SYT17: variants seen among roughly 807,000 people sequenced by gnomAD.
The protein encoded by SYT17 is synaptotagmin 17.
Under a neutral mutation model 46.7 loss-of-function variants are expected in SYT17, and 22 were observed. That is an observed-to-expected ratio of 0.47 (90% CI 0.34 to 0.67). SYT17 has a LOEUF of 0.67. Ranked by LOEUF, SYT17 falls within the 30% of genes least tolerant of loss-of-function variation. SYT17 has a pLI of 0.01. For missense variants in SYT17, 519 were observed against 612.8 expected (o/e 0.85, Z 1.62); for synonymous variants, 251 against 248.4 (o/e 1.01, Z -0.10).
intron 7 of SYT17, among the ~76,000 whole-genome samples, chr16:19,251,163 G>C (rs1229854785): frequency 3.3e-5 from 5 of 151,342 alleles, no homozygotes; most frequent in Admixed American, 3.3e-4. Flanking sequence ...ATTTCTTTCA[G>C]AGCATAATTT....
At chr16:19,246,279 G>T (rs377150855) in intron 7 of SYT17, among the ~76,000 whole-genome samples, 1 of 152,084 alleles carries the variant, frequency 6.6e-6, no homozygotes, top group South Asian at 2.1e-4. Context: ...GGTGTGAGCC[G>T]CCATATCTGG....
chr16:19,172,361 A>G, intron 1 of SYT17: 1 of 1,389,560 alleles, frequency 7.2e-7, no homozygotes, highest in Non-Finnish European at 9.2e-7. Context: ...CATGTTAGCT[A>G]ATCATGTCCT....
intron 7 of SYT17, among the ~76,000 whole-genome samples, chr16:19,227,956 A>G (rs182630867): frequency 6.6e-6 from 1 of 152,336 alleles, no homozygotes; most frequent in East Asian, 1.9e-4. Flanking sequence ...CTTCAGATCA[A>G]TATGAATACA....
chr16:19,194,489 CCTCA>C (rs1430195119), intron 5 of SYT17, among the ~76,000 whole-genome samples: 1 of 152,196 alleles, frequency 6.6e-6, no homozygotes, highest in Non-Finnish European at 1.5e-5. Context: ...CAGGAAACAC[CCTCA>C]CTCAGCATCC....
At chr16:19,200,927 C>G (rs975621381) in intron 5 of SYT17, among the ~76,000 whole-genome samples, 1 of 152,122 alleles carries the variant, frequency 6.6e-6, no homozygotes, top group Non-Finnish European at 1.5e-5. Context: ...GGCAGAAGGT[C>G]GGATCAGCTC....
chr16:19,199,905 G>T (rs1965395766), intron 5 of SYT17, among the ~76,000 whole-genome samples: 1 of 152,212 alleles, frequency 6.6e-6, no homozygotes, highest in Non-Finnish European at 1.5e-5. Flanking sequence ...TTAAATCTGG[G>T]CTGTAAGCCC....
In SYT17 at chr16:19,172,755, G is replaced by A; in HGVS notation, c.16-5G>A. On this transcript the variant is annotated splice_region_variant and splice_polypyrimidine_tract_variant and intron_variant, in intron 1 of 7. Coordinates refer to ENST00000355377, the MANE Select transcript of SYT17 (RefSeq NM_016524.4). ...TTGGCTTCATCGTGGATCTTAAAAG[G>A]GCAGTTGGAACCATTAAACGAGGTG... 2 of 1,613,816 alleles carry A rather than the reference G, an allele frequency of 1.2e-6. No homozygotes were observed. The highest frequency in any genetic ancestry group is 1.1e-5 in the South Asian group (1 of 91,070).
intron 7 of SYT17, among the ~76,000 whole-genome samples, chr16:19,241,772 G>A (rs1967147136): frequency 6.6e-6 from 1 of 152,200 alleles, no homozygotes; most frequent in Non-Finnish European, 1.5e-5. Flanking sequence ...CCAGGGTCGG[G>A]AGTCACAGAG....
At chr16:19,220,809 A>G (rs1273804439) in intron 5 of SYT17, among the ~76,000 whole-genome samples, 1 of 152,112 alleles carries the variant, frequency 6.6e-6, no homozygotes, top group African/African-American at 2.4e-5. Flanking sequence ...GCATCAGAGG[A>G]GTAAGGGGGA....
At chr16:19,200,366 C>A (rs1258779906) in intron 5 of SYT17, among the ~76,000 whole-genome samples, 1 of 152,182 alleles carries the variant, frequency 6.6e-6, no homozygotes, top group East Asian at 1.9e-4. Flanking sequence ...CCCGATACAT[C>A]CAAAGTGTTA....
chr16:19,266,255 C>T (rs554652365), intron 7 of SYT17, among the ~76,000 whole-genome samples: 7 of 152,300 alleles, frequency 4.6e-5, no homozygotes, highest in East Asian at 3.9e-4. Context: ...TAGTGGTTCC[C>T]GTTTGGGATG....
intron 5 of SYT17, among the ~76,000 whole-genome samples, chr16:19,206,617 T>G (rs1965681162): frequency 6.6e-6 from 1 of 152,126 alleles, no homozygotes; most frequent in Non-Finnish European, 1.5e-5. Flanking sequence ...CTTGCAGACC[T>G]CTACAGGAGA....
At chr16:19,245,730 C>G (rs1056248893) in intron 7 of SYT17, among the ~76,000 whole-genome samples, 1 of 152,136 alleles carries the variant, frequency 6.6e-6, no homozygotes, top group Non-Finnish European at 1.5e-5. Flanking sequence ...CAAACAAGCC[C>G]CATCCCCCAG....
At chr16:19,260,551 G>A (rs1474031336) in intron 7 of SYT17, among the ~76,000 whole-genome samples, 2 of 144,844 alleles carry the variant, frequency 1.4e-5, no homozygotes, top group Admixed American at 1.4e-4. Context: ...AAAAGAATTC[G>A]TTCTATCAGT....
chr16:19,259,720 G>A (rs1473976763), intron 7 of SYT17, among the ~76,000 whole-genome samples: 2 of 151,698 alleles, frequency 1.3e-5, no homozygotes, highest in Non-Finnish European at 2.9e-5. Context: ...TATTATACAG[G>A]TTGTTGAGAA....
At position 19,258,692 on chromosome 16, in the gene SYT17, T is replaced by C. The variant is rs72779588; in HGVS notation, c.1229-8188T>C. Among the ~76,000 whole-genome samples, 809 of 152,260 alleles carry C rather than the reference T, an allele frequency of 5.3e-3. 2 individuals carry two copies. Among genetic ancestry groups the C allele is most frequent in the Admixed American group, 9.9e-3 (152 of 15,286 alleles). ...GAAACAGGGGAGATGGAGGAATTGC[T>C]ACTGATATTTAGTGTGAGATGATAG... On this transcript the variant is annotated intron_variant, in intron 7 of 7. Coordinates refer to ENST00000355377, the MANE Select transcript of SYT17 (RefSeq NM_016524.4).
At chr16:19,178,106 C>T (rs906540216) in intron 3 of SYT17, among the ~76,000 whole-genome samples, 6 of 150,384 alleles carry the variant, frequency 4.0e-5, no homozygotes, top group African/African-American at 7.3e-5. Flanking sequence ...TTTTTTGAGA[C>T]GGAGTCTAGC....
chr16:19,260,981 C>A (rs779211533), intron 7 of SYT17, among the ~76,000 whole-genome samples: 1 of 151,992 alleles, frequency 6.6e-6, no homozygotes, highest in Non-Finnish European at 1.5e-5. Context: ...GTCCCTAAGC[C>A]CCTTTCTGGA....
chr16:19,200,250 A>G (rs1245329666), intron 5 of SYT17, among the ~76,000 whole-genome samples: 1 of 152,254 alleles, frequency 6.6e-6, no homozygotes, highest in Non-Finnish European at 1.5e-5. Flanking sequence ...TTAATGGGCC[A>G]TATACATGGG....
Sources: allele counts gnomAD v4.1 joint callset (sites outside exome capture counted in the v4.1 genomes callset), GRCh38; gene constraint gnomAD v4.1.1; transcripts MANE v1.5; gene names NCBI Gene and HGNC (gene_info 2026-07-23, HGNC 2026-07-21).